The following ARID1B variants were observed in gnomAD, a reference collection of about 807,000 sequenced individuals.
ARID1B encodes AT-rich interaction domain 1B.
Under a neutral mutation model 212.3 loss-of-function variants are expected in ARID1B, and 30 were observed. That is an observed-to-expected ratio of 0.14 (90% CI 0.11 to 0.19). The LOEUF is 0.19. Among genes scored for constraint, ARID1B ranks in the 10% least tolerant of loss-of-function variants. The pLI is 1.00. For missense variants in ARID1B, 2,891 were observed against 3,204.0 expected (o/e 0.90, Z 2.36); for synonymous variants, 1,402 against 1,301.7 (o/e 1.08, Z -1.66).
chr6:156,927,485 T>A (rs1243751708), intron 3 of ARID1B, among the ~76,000 whole-genome samples: 1 of 152,230 alleles, frequency 6.6e-6, no homozygotes, highest in African/African-American at 2.4e-5. Context: ...GATCTGTTTT[T>A]TGGTAAGCAT....
chr6:157,145,537 C>A (rs1261517900), intron 7 of ARID1B, among the ~76,000 whole-genome samples: 11 of 152,206 alleles, frequency 7.2e-5, no homozygotes, highest in Non-Finnish European at 1.3e-4. Flanking sequence ...GTGGCTCTCA[C>A]AGAGATCAGA....
intron 5 of ARID1B, among the ~76,000 whole-genome samples, chr6:157,103,673 A>C (rs1466000497): frequency 6.6e-6 from 1 of 152,148 alleles, no homozygotes; most frequent in Non-Finnish European, 1.5e-5. Context: ...TTTAGTTCTT[A>C]AAAGCTATTT....
At chr6:156,990,847 T>C (rs1446742090) in intron 4 of ARID1B, among the ~76,000 whole-genome samples, 3 of 152,218 alleles carry the variant, frequency 2.0e-5, no homozygotes, top group African/African-American at 4.8e-5. Flanking sequence ...TTTTGCTCTA[T>C]TGCATTTACT....
intron 4 of ARID1B, among the ~76,000 whole-genome samples, chr6:157,039,455 C>T (rs925873977): frequency 1.3e-4 from 20 of 150,956 alleles, no homozygotes; most frequent in African/African-American, 4.4e-4. Context: ...CTCAGCCTCC[C>T]GAGTAGCTGG....
At chr6:157,116,906 T>A (rs1359454017) in intron 6 of ARID1B, among the ~76,000 whole-genome samples, 1 of 152,136 alleles carries the variant, frequency 6.6e-6, no homozygotes, top group East Asian at 1.9e-4. Context: ...ACACCAACAT[T>A]AGGTGAGCTG....
At chr6:157,009,598 G>A (rs1175648388) in intron 4 of ARID1B, among the ~76,000 whole-genome samples, 1 of 152,214 alleles carries the variant, frequency 6.6e-6, no homozygotes, top group East Asian at 1.9e-4. Context: ...TATCTGAGCA[G>A]CACATACTCT....
chr6:156,849,144 G>T (rs912717522), intron 2 of ARID1B, among the ~76,000 whole-genome samples: 4 of 152,150 alleles, frequency 2.6e-5, no homozygotes, highest in Admixed American at 1.3e-4. Flanking sequence ...ATTATGTCCA[G>T]CATTTCCTTG....
At chr6:157,202,415 A>G (rs1794170198) in intron 18 of ARID1B, among the ~76,000 whole-genome samples, 1 of 152,206 alleles carries the variant, frequency 6.6e-6, no homozygotes, top group African/African-American at 2.4e-5. Context: ...GAAAGACATC[A>G]ATCACTGGAC....
At chr6:157,046,291 G>A (rs1583209964) in intron 4 of ARID1B, among the ~76,000 whole-genome samples, 3 of 152,318 alleles carry the variant, frequency 2.0e-5, no homozygotes, top group African/African-American at 7.2e-5. Context: ...GCAGTGAAGA[G>A]GCAGGTTAGA....
intron 3 of ARID1B, among the ~76,000 whole-genome samples, chr6:156,925,194 A>C (rs887893915): frequency 2.6e-5 from 4 of 152,192 alleles, no homozygotes; most frequent in African/African-American, 9.7e-5. Context: ...TACTGAAGCC[A>C]GGGACTGCAG....
intron 4 of ARID1B, among the ~76,000 whole-genome samples, chr6:156,947,530 A>G (rs1040296430): frequency 7.9e-5 from 12 of 151,842 alleles, no homozygotes; most frequent in Admixed American, 6.6e-5. Flanking sequence ...TTTATTTTGT[A>G]GAAATGGGTT....
chr6:157,136,033 T>G (rs1289066501), intron 7 of ARID1B, among the ~76,000 whole-genome samples: 1 of 152,260 alleles, frequency 6.6e-6, no homozygotes, highest in Non-Finnish European at 1.5e-5. Context: ...TTTCCAAAAT[T>G]GTTAGTAATA....
At position 157,209,890 on chromosome 6, in the gene ARID1B, G is replaced by C; in HGVS notation, c.*1999G>C. On this transcript the variant is annotated 3_prime_UTR_variant, in exon 20 of 20. Transcript: ENST00000636930. ...CATTGACTGTTACTGTGTAATAATCGATTTCTTTGAAACTGCTGCATAATT... is the reference window on the plus strand; with the variant it reads ...CATTGACTGTTACTGTGTAATAATCCATTTCTTTGAAACTGCTGCATAATT... 4.3e-6 allele frequency: 1 copy of C among 232,870 alleles called. No individual in the cohort carries two copies. Among genetic ancestry groups the C allele is most frequent in the East Asian group, 6.0e-5 (1 of 16,552 alleles). 14.4% of individuals were successfully genotyped at this position (232,870 alleles called of 1,614,324 possible). A position where few individuals can be genotyped will look rare whatever the true frequency, so the allele number is the denominator to read the frequency against.
Position 156,778,885 on chromosome 6 carries a change from G to A in ARID1B, c.1205G>A (p.Gly402Asp). Residue 402 changes from glycine to aspartate, a missense_variant, in exon 1 of 20, where the codon GGC (glycine) becomes GAC (aspartate). This residue lies in a region of ARID1B where 1,643 missense variants were observed against 1,544.0 expected (regional missense o/e 1.06). Coordinates refer to ENST00000636930, the MANE Select transcript of ARID1B (RefSeq NM_001374828.1). ...GGGGGGGGGG[G>D]SGGGGGGGGA... is the part of the protein sequence containing the mutation. ...GGCGGCGGCGGCGGAGGAGGAGGAG[G>A]CAGCGGAGGAGGAGGAGGAGGAGGA... 1 of 1,394,692 alleles carries A rather than the reference G, an allele frequency of 7.2e-7. No homozygotes were observed. Among genetic ancestry groups the A allele is most frequent in the Non-Finnish European group, 9.3e-7 (1 of 1,072,582 alleles). The allele number at this position is 1,394,692 out of a possible 1,614,324, so 86.4% of individuals were successfully genotyped here.
chr6:156,782,621 G>A (rs968084494), intron 1 of ARID1B, among the ~76,000 whole-genome samples: 1 of 152,146 alleles, frequency 6.6e-6, no homozygotes, highest in Non-Finnish European at 1.5e-5. Flanking sequence ...TGCGAAGCAG[G>A]AAGCTACAAA....
intron 2 of ARID1B, among the ~76,000 whole-genome samples, chr6:156,866,225 A>G (rs1337618260): frequency 6.6e-6 from 1 of 152,164 alleles, no homozygotes; most frequent in African/African-American, 2.4e-5. Context: ...CTTCTGCAGC[A>G]GTGGTTCTGA....
intron 5 of ARID1B, among the ~76,000 whole-genome samples, chr6:157,090,342 T>G (rs781217161): frequency 2.6e-5 from 4 of 152,220 alleles, no homozygotes; most frequent in Non-Finnish European, 5.9e-5. Flanking sequence ...TTAATGAAGA[T>G]CTAAGGATAG....
chr6:157,146,644 G>A (rs1052014389), intron 7 of ARID1B, among the ~76,000 whole-genome samples: 1 of 152,044 alleles, frequency 6.6e-6, no homozygotes, highest in Non-Finnish European at 1.5e-5. Flanking sequence ...ATACGTGCAC[G>A]TGCATGCACA....
At chr6:157,073,576 A>G (rs575437129) in intron 4 of ARID1B, among the ~76,000 whole-genome samples, 1 of 152,344 alleles carries the variant, frequency 6.6e-6, no homozygotes, top group South Asian at 2.1e-4. Flanking sequence ...CACTTATTGT[A>G]TGCTTAATGT....
Sources: gnomAD v4.1 joint callset for allele counts (sites outside exome capture counted in the v4.1 genomes callset) on GRCh38, gnomAD v4.1.1 for gene constraint, gnomAD v4.1.1 regional missense constraint, MANE v1.5 for transcripts, NCBI Gene and HGNC (gene_info 2026-07-23, HGNC 2026-07-21) for gene names.